The following SFXN4 variants were observed in gnomAD, a reference collection of about 807,000 sequenced individuals.
SFXN4 encodes sideroflexin-4.
Under a neutral mutation model 54.6 loss-of-function variants are expected in SFXN4, and 48 were observed. That is an observed-to-expected ratio of 0.88 (90% CI 0.70 to 1.12). The LOEUF is 1.12. Among genes scored for constraint, SFXN4 ranks in the 50% most tolerant of loss-of-function variants. SFXN4 has a pLI of 0.00. For synonymous variants in SFXN4, 130 were observed against 145.5 expected, an observed-to-expected ratio of 0.89 and a Z score of 0.77; for missense variants, 383 against 409.2, an observed-to-expected ratio of 0.94 and a Z score of 0.55.
intron 7 of SFXN4, 40 bp from the exon 8 acceptor site, chr10:119,157,967 C>G (rs1353685314): frequency 6.2e-7 from 1 of 1,614,090 alleles, no homozygotes; most frequent in Non-Finnish European, 8.5e-7. Flanking sequence ...TCGTTTCAAG[C>G]ATAACAGAAT....
In SFXN4 at chr10:119,163,434, G is replaced by A. The variant is rs528549893; in HGVS notation, c.177+697C>T. Among the ~76,000 whole-genome samples, 8 of 152,068 alleles carry A rather than the reference G, an allele frequency of 5.3e-5. No individual in the cohort carries two copies. In the South Asian group the frequency reaches 1.2e-3, roughly 24 times the overall value. Reference sequence around the variant, plus strand: ...GGGGGAAGGGGATGGAGTTTCGCTCGTCACGCAGGCTGGAGTGCAGTGGCA... The same window carrying A: ...GGGGGAAGGGGATGGAGTTTCGCTCATCACGCAGGCTGGAGTGCAGTGGCA... On this transcript the variant is annotated intron_variant, in intron 2 of 13. Coordinates refer to ENST00000355697, the MANE Select transcript of SFXN4 (RefSeq NM_213649.2).
rs35040668 is a variant in SFXN4 at position 119,142,546 on chromosome 10, C to CTTTTT, written c.937-1232_937-1228dup. Among the ~76,000 whole-genome samples the CTTTTT allele has an allele frequency of 6.8e-5, 8 of 118,264 alleles. 1 individual carries two copies. Among genetic ancestry groups the CTTTTT allele is most frequent in the Non-Finnish European group, 6.5e-5 (4 of 61,442 alleles). The allele number at this position is 118,264 out of a possible 152,430, so 77.6% of individuals were successfully genotyped here. ...CTTGAGCCAACAGGATATTTTGTGTCTTTTTTTTTTTTTTTTTTAAATGAG... is the reference window on the plus strand; with the variant it reads ...CTTGAGCCAACAGGATATTTTGTGTCTTTTTTTTTTTTTTTTTTTTTTTAAATGAG... On this transcript the variant is annotated intron_variant, in intron 13 of 13. Transcript: ENST00000355697.
rs2133612414 is a variant in SFXN4 at position 119,158,004 on chromosome 10, G to A, written c.414+5C>T. On this transcript the variant is annotated splice_donor_5th_base_variant and intron_variant, in intron 7 of 13. Coordinates refer to ENST00000355697, the MANE Select transcript of SFXN4 (RefSeq NM_213649.2). ...TAGTAATCGTGAAACAGGAAGAATG[G>A]CTACCTGAGGTAAAATCACGGACTT... 1.2e-6 allele frequency: 2 copies of A among 1,614,038 alleles called. No homozygotes were observed. The highest frequency in any genetic ancestry group is 1.7e-5 in the Admixed American group (1 of 60,014).
At position 119,165,640 on chromosome 10, in the gene SFXN4, A is replaced by C; in HGVS notation, c.8T>G (p.Leu3Arg). The stretch of plus-strand genomic sequence containing the variant: ...AGGTTGCGTTTCCTCCTCCTGTTCC[A>C]GGGACATTTTGCGCTGGTTAGAGTG... The part of the protein sequence containing the change: MS[L>R]EQEEETQPGR... Residue 3 changes from leucine to arginine, a missense_variant, in exon 1 of 14, where the codon CTG (leucine) becomes CGG (arginine). Leu to Arg is a moderately radical substitution (Grantham distance 102). Transcript: ENST00000355697. The C allele has an allele frequency of 6.3e-7, 1 of 1,587,406 alleles. No individual in the cohort carries two copies. Among genetic ancestry groups the C allele is most frequent in the Non-Finnish European group, 8.6e-7 (1 of 1,169,560 alleles).
chr10:119,164,203 A>G lies in SFXN4; in HGVS notation c.112-7T>C. 1 of 1,559,856 alleles carries G rather than the reference A, an allele frequency of 6.4e-7. No homozygotes were observed. Among genetic ancestry groups the G allele is most frequent in the Non-Finnish European group, 8.8e-7 (1 of 1,141,310 alleles). ...GAAATCGTCGAATAAAGGACTTAGG[A>G]GGGAGAAAAGCAACAGAGAGGTTAA... On this transcript the variant is annotated splice_polypyrimidine_tract_variant and splice_region_variant and intron_variant, in intron 1 of 13. Coordinates refer to ENST00000355697, the MANE Select transcript of SFXN4 (RefSeq NM_213649.2).
At position 119,141,074 on chromosome 10, in the gene SFXN4, C is replaced by T. The variant is rs369078851; in HGVS notation, c.*168G>A. Reference sequence around the variant, plus strand: ...GTCTTCTCCAGCCAGCCTTAAAAACCCCAGAGACGCCAGCCTGGGAACGAT... The same window carrying T: ...GTCTTCTCCAGCCAGCCTTAAAAACTCCAGAGACGCCAGCCTGGGAACGAT... On this transcript the variant is annotated 3_prime_UTR_variant, in exon 14 of 14. Coordinates refer to ENST00000355697, the MANE Select transcript of SFXN4 (RefSeq NM_213649.2). The T allele has an allele frequency of 6.1e-5, 33 of 537,660 alleles. No homozygotes were observed. In the East Asian group the frequency reaches 8.8e-4, roughly 14 times the overall value. 33.3% of individuals were successfully genotyped at this position (537,660 alleles called of 1,614,324 possible). A position where few individuals can be genotyped will look rare whatever the true frequency, so the allele number is the denominator to read the frequency against.
intron 11 of SFXN4, among the ~76,000 whole-genome samples, chr10:119,149,963 C>T (rs902718474): frequency 1.3e-5 from 2 of 152,020 alleles, no homozygotes; most frequent in East Asian, 3.9e-4. Flanking sequence ...TGGGGCCAGT[C>T]GGGGGAAACA....
chr10:119,159,761 G>A lies in SFXN4; in HGVS notation c.335-8C>T. On this transcript the variant is annotated splice_region_variant and splice_polypyrimidine_tract_variant and intron_variant, in intron 5 of 13. Transcript: ENST00000355697. ...CCATGAAAGGCAGGAACGCTGGCAG[G>A]AAGAGAAGAGAGGAGGTGTCAGTGA... 1.2e-6 allele frequency: 2 copies of A among 1,613,560 alleles called. No homozygotes were observed. Among genetic ancestry groups the A allele is most frequent in the Non-Finnish European group, 1.7e-6 (2 of 1,179,576 alleles).
chr10:119,154,629 C>T (rs1172462671), intron 11 of SFXN4, among the ~76,000 whole-genome samples: 1 of 151,936 alleles, frequency 6.6e-6, no homozygotes, highest in Non-Finnish European at 1.5e-5. Flanking sequence ...GCCAGGAGTT[C>T]GAGACCAGCC....
chr10:119,161,958 G>A (rs534994180), intron 3 of SFXN4, among the ~76,000 whole-genome samples: 1 of 152,304 alleles, frequency 6.6e-6, no homozygotes, highest in African/African-American at 2.4e-5. Flanking sequence ...TGAGCCTATC[G>A]GCAGGAACGC....
At position 119,163,230 on chromosome 10, in the gene SFXN4, CTTCT is replaced by C. The variant is rs948873564; in HGVS notation, c.178-820_178-817del. On this transcript the variant is annotated intron_variant, in intron 2 of 13. Transcript: ENST00000355697. ...CTTCTAATTTTATTACATTTTCTTTCTTCTTTTTTTTTTTTTAAAGATGGAGTTT... is the reference window on the plus strand; with the variant it reads ...CTTCTAATTTTATTACATTTTCTTTCTTTTTTTTTTTTAAAGATGGAGTTT... Among the ~76,000 whole-genome samples, 16 of 133,538 alleles carry C rather than the reference CTTCT, an allele frequency of 1.2e-4. 1 individual carries two copies. In the South Asian group the frequency reaches 2.3e-3, roughly 19 times the overall value. The allele number at this position is 133,538 out of a possible 152,430, so 87.6% of individuals were successfully genotyped here. A position where few individuals can be genotyped will look rare whatever the true frequency, so the allele number is the denominator to read the frequency against.
At chr10:119,164,040 CAAAAA>C (rs368539311) in intron 2 of SFXN4, 86 bp downstream of exon 2, 1,436 of 307,592 alleles carry the variant, frequency 4.7e-3, no homozygotes, top group Middle Eastern at 9.7e-3. Context: ...AACTCCGTCT[CAAAAA>C]AAAAAAAAAA....
In SFXN4 at chr10:119,161,025, A is replaced by G. The variant is rs1432186616; in HGVS notation, c.279+30T>C. ...ATGTCTGGTTTTGTTATTATAGGAC[A>G]CTAAAAATTAGGAAGGGGCTGAAAC... On this transcript the variant is annotated intron_variant, in intron 4 of 13. Coordinates refer to ENST00000355697, the MANE Select transcript of SFXN4 (RefSeq NM_213649.2). The G allele has an allele frequency of 3.1e-6, 5 of 1,614,170 alleles. No individual in the cohort carries two copies. The Admixed American group carries it at 8.3e-5, about 27-fold the overall frequency.
intron 1 of SFXN4, 98 bp from the exon 2 acceptor site, chr10:119,164,294 G>T (rs1472571650): frequency 7.8e-6 from 5 of 639,624 alleles, no homozygotes; most frequent in Non-Finnish European, 1.3e-5. Flanking sequence ...CTGAGAACCT[G>T]CCAGGGTCTG....
chr10:119,146,646 G>T (rs993083404), intron 12 of SFXN4, among the ~76,000 whole-genome samples: 1 of 152,074 alleles, frequency 6.6e-6, no homozygotes, highest in African/African-American at 2.4e-5. Flanking sequence ...TTGGTTCACT[G>T]CAATCTCCGC....
intron 13 of SFXN4, among the ~76,000 whole-genome samples, chr10:119,145,625 A>G (rs573048439): frequency 1.2e-4 from 18 of 151,574 alleles, no homozygotes; most frequent in Non-Finnish European, 2.7e-4. Context: ...ATAACGTTCT[A>G]TTTTCTCTAG....
intron 2 of SFXN4, among the ~76,000 whole-genome samples, chr10:119,162,621 C>A (rs1847600642): frequency 6.6e-6 from 1 of 152,218 alleles, no homozygotes; most frequent in Middle Eastern, 3.4e-3. Context: ...CTAGATGCTC[C>A]AGCAGCTGCC....
intron 3 of SFXN4, among the ~76,000 whole-genome samples, chr10:119,161,424 C>CAA: frequency 2.0e-5 from 1 of 50,316 alleles, no homozygotes; most frequent in South Asian, 6.4e-4. Flanking sequence ...ACAACAACAA[C>CAA]AACAAAAAAA....
chr10:119,145,159 C>T (rs1234488729), intron 13 of SFXN4, among the ~76,000 whole-genome samples: 1 of 152,018 alleles, frequency 6.6e-6, no homozygotes. Flanking sequence ...TATACTGTTT[C>T]CCCCTCAGTC....
Sources: gnomAD v4.1 joint callset for allele counts (sites outside exome capture counted in the v4.1 genomes callset) on GRCh38, gnomAD v4.1.1 for gene constraint, MANE v1.5 for transcripts, NCBI Gene and HGNC (gene_info 2026-07-23, HGNC 2026-07-21) for gene names.